Variants in CCSER1 observed in about 807,000 individuals in gnomAD.
CCSER1 encodes coiled-coil serine rich protein 1, also known as serine-rich coiled-coil domain-containing protein 1.
In CCSER1, 41 loss-of-function variants were observed where a neutral mutation model predicts 82.0. The ratio of observed to expected loss-of-function variants is 0.50; its 90% CI spans 0.39 to 0.65. The LOEUF (loss-of-function observed/expected upper bound fraction) is 0.65. Ranked by LOEUF, CCSER1 falls within the 30% of genes least tolerant of loss-of-function variation. The probability of loss-of-function intolerance (pLI) is 0.00; values close to 1 mark genes in which losing one functional copy is unlikely to be tolerated. For synonymous variants in CCSER1, 414 were observed against 383.9 expected, an observed-to-expected ratio of 1.08 and a Z score of -0.92; for missense variants, 1,119 against 1,064.2, an observed-to-expected ratio of 1.05 and a Z score of -0.72.
chr4:90,312,425 T>C (rs1406980141), intron 2 of CCSER1, among the ~76,000 whole-genome samples: 1 of 152,124 alleles, frequency 6.6e-6, no homozygotes, highest in Non-Finnish European at 1.5e-5. Flanking sequence ...TGGCCCTCAC[T>C]TATGTTTTAA....
intron 6 of CCSER1, among the ~76,000 whole-genome samples, chr4:90,719,065 C>T (rs943907658): frequency 1.3e-5 from 2 of 151,956 alleles, no homozygotes; most frequent in Non-Finnish European, 2.9e-5. Flanking sequence ...ACCACTGGTC[C>T]GTGGCCTGTT....
At chr4:90,447,608 C>T (rs1465889905) in intron 4 of CCSER1, among the ~76,000 whole-genome samples, 1 of 152,162 alleles carries the variant, frequency 6.6e-6, no homozygotes, top group East Asian at 1.9e-4. Context: ...TTATATTAGA[C>T]TATAAATTCC....
At chr4:90,339,832 G>T (rs970512400) in intron 3 of CCSER1, among the ~76,000 whole-genome samples, 4 of 151,612 alleles carry the variant, frequency 2.6e-5, no homozygotes, top group Admixed American at 6.6e-5. Context: ...CATAATATAT[G>T]TTTGCTTACT....
intron 5 of CCSER1, among the ~76,000 whole-genome samples, chr4:90,605,242 G>C (rs976441975): frequency 1.3e-5 from 2 of 152,070 alleles, no homozygotes; most frequent in African/African-American, 4.8e-5. Context: ...TCACCACGAG[G>C]GTCTGCAGCT....
At chr4:91,426,211 A>G (rs577839788) in intron 10 of CCSER1, among the ~76,000 whole-genome samples, 1 of 152,352 alleles carries the variant, frequency 6.6e-6, no homozygotes, top group South Asian at 2.1e-4. Context: ...TGCAAAGGAC[A>G]TGAACTCATC....
intron 8 of CCSER1, among the ~76,000 whole-genome samples, chr4:90,861,905 CATATAT>C (rs1433929339): frequency 7.2e-6 from 1 of 139,400 alleles, no homozygotes; most frequent in African/African-American, 2.6e-5. Flanking sequence ...TATGATGACT[CATATAT>C]ATATATATAT....
chr4:91,381,064 G>C (rs567555337), intron 10 of CCSER1, among the ~76,000 whole-genome samples: 63 of 152,244 alleles, frequency 4.1e-4, no homozygotes, highest in Non-Finnish European at 8.1e-4. Flanking sequence ...TAAGAATGTT[G>C]AATATTGGCC....
intron 5 of CCSER1, among the ~76,000 whole-genome samples, chr4:90,611,375 T>A (rs1560809953): frequency 6.6e-6 from 1 of 152,116 alleles, no homozygotes; most frequent in Non-Finnish European, 1.5e-5. Context: ...ATCTTTTTAG[T>A]ATGTGAACCA....
At chr4:90,744,922 G>A (rs1016063877) in intron 7 of CCSER1, among the ~76,000 whole-genome samples, 3 of 151,004 alleles carry the variant, frequency 2.0e-5, no homozygotes, top group Non-Finnish European at 2.9e-5. Context: ...CTAGACTATC[G>A]TAAATATGTA....
At chr4:91,160,471 A>G (rs531256590) in intron 10 of CCSER1, among the ~76,000 whole-genome samples, 4 of 152,314 alleles carry the variant, frequency 2.6e-5, no homozygotes, top group African/African-American at 9.6e-5. Flanking sequence ...GAATTGCCAC[A>G]CTGTCTTCTA....
chr4:91,570,388 C>T (rs983273226), intron 10 of CCSER1, among the ~76,000 whole-genome samples: 1 of 152,216 alleles, frequency 6.6e-6, no homozygotes, highest in African/African-American at 2.4e-5. Flanking sequence ...CATTTCACTT[C>T]TGCACTGCCC....
At chr4:90,505,866 C>T (rs1304253588) in intron 5 of CCSER1, among the ~76,000 whole-genome samples, 2 of 152,148 alleles carry the variant, frequency 1.3e-5, no homozygotes, top group Non-Finnish European at 2.9e-5. Flanking sequence ...TCAGTATGGT[C>T]TTGTAAAACA....
intron 10 of CCSER1, among the ~76,000 whole-genome samples, chr4:91,253,153 C>A (rs903847008): frequency 6.6e-6 from 1 of 152,122 alleles, no homozygotes; most frequent in African/African-American, 2.4e-5. Flanking sequence ...CCTCTTTCTC[C>A]TCCTGCTCAG....
At chr4:90,973,349 G>A (rs1485586144) in intron 9 of CCSER1, among the ~76,000 whole-genome samples, 2 of 151,542 alleles carry the variant, frequency 1.3e-5, no homozygotes, top group East Asian at 1.9e-4. Context: ...TTAAAAATTG[G>A]GCAAAAGGCT....
intron 7 of CCSER1, among the ~76,000 whole-genome samples, chr4:90,787,795 G>A (rs1754719317): frequency 6.6e-6 from 1 of 152,250 alleles, no homozygotes; most frequent in East Asian, 1.9e-4. Context: ...ATTTTGACCG[G>A]CATTTTGACT....
intron 10 of CCSER1, among the ~76,000 whole-genome samples, chr4:91,424,837 G>C (rs936409538): frequency 1.3e-5 from 2 of 152,036 alleles, no homozygotes; most frequent in African/African-American, 4.8e-5. Flanking sequence ...TAATTGGTGT[G>C]AGTATGTAGA....
chr4:91,543,307 G>T (rs1009312893), intron 10 of CCSER1, among the ~76,000 whole-genome samples: 1 of 152,070 alleles, frequency 6.6e-6, no homozygotes, highest in Non-Finnish European at 1.5e-5. Flanking sequence ...TTACATTTAA[G>T]GTTAATATTG....
intron 5 of CCSER1, among the ~76,000 whole-genome samples, chr4:90,482,100 G>T (rs1034203219): frequency 6.6e-6 from 1 of 152,168 alleles, no homozygotes; most frequent in African/African-American, 2.4e-5. Context: ...TGAGATTTGG[G>T]AGAGTGTGTG....
chr4:91,315,010 T>C (rs945587430), intron 10 of CCSER1, among the ~76,000 whole-genome samples: 2 of 151,940 alleles, frequency 1.3e-5, no homozygotes, highest in Admixed American at 6.6e-5. Flanking sequence ...AACTAGAGTT[T>C]AGTCCTGCAG....
Sources: allele counts gnomAD v4.1 joint callset (sites outside exome capture counted in the v4.1 genomes callset), GRCh38; gene constraint gnomAD v4.1.1; transcripts MANE v1.5; gene names NCBI Gene and HGNC (gene_info 2026-07-23, HGNC 2026-07-21).